Variants in TMCO5A observed in about 807,000 individuals in gnomAD.
TMCO5A encodes transmembrane and coiled-coil domains 5A, also known as transmembrane and coiled-coil domain-containing protein 5A.
Under a neutral mutation model 42.3 loss-of-function variants are expected in TMCO5A, and 34 were observed. The observed-to-expected ratio is 0.80, with a 90% confidence interval of 0.61 to 1.07. The LOEUF (loss-of-function observed/expected upper bound fraction) is 1.07. Ranked by LOEUF, TMCO5A falls within the 50% of genes least tolerant of loss-of-function variation. TMCO5A has a pLI of 0.00. For missense variants in TMCO5A, 357 were observed against 327.9 expected (o/e 1.09, Z -0.69); for synonymous variants, 131 against 115.6 (o/e 1.13, Z -0.86).
chr15:37,963,230 A>C (rs1310197979), intron 11 of TMCO5A, among the ~76,000 whole-genome samples: 1 of 152,046 alleles, frequency 6.6e-6, no homozygotes, highest in African/African-American at 2.4e-5. Context: ...GCTGTATCTC[A>C]GATGTTTTGA....
chr15:37,970,272 C>CT (rs1310953290), downstream of TMCO5A, among the ~76,000 whole-genome samples: 1 of 152,208 alleles, frequency 6.6e-6, no homozygotes, highest in Non-Finnish European at 1.5e-5. Flanking sequence ...AAAGTCATGT[C>CT]TCACATGGTG....
downstream of TMCO5A, among the ~76,000 whole-genome samples, chr15:37,956,115 C>T (rs1890283914): frequency 6.6e-6 from 1 of 152,126 alleles, no homozygotes; most frequent in African/African-American, 2.4e-5. Flanking sequence ...GGGAAATTTA[C>T]AGCACTAAAT....
chr15:37,955,849 A>C (rs1890275013), downstream of TMCO5A, among the ~76,000 whole-genome samples: 1 of 152,168 alleles, frequency 6.6e-6, no homozygotes, highest in Admixed American at 6.6e-5. Flanking sequence ...TTGGAAGTAA[A>C]ACACTCCTCA....
chr15:37,967,233 C>T (rs560263078), exon 12 of TMCO5A: 1 of 152,560 alleles, frequency 6.6e-6, no homozygotes, highest in South Asian at 2.1e-4. Flanking sequence ...CAATTAATTG[C>T]TGAAACATTC....
intron 6 of TMCO5A, among the ~76,000 whole-genome samples, chr15:37,938,826 T>G (rs1306643354): frequency 3.9e-5 from 6 of 152,054 alleles, no homozygotes; most frequent in Non-Finnish European, 7.4e-5. Flanking sequence ...CACATCATAC[T>G]CTGCTTGGCA....
the TMCO5A span, among the ~76,000 whole-genome samples, chr15:38,016,588 G>A: frequency 1.3e-5 from 2 of 152,132 alleles, no homozygotes; most frequent in African/African-American, 2.4e-5. Flanking sequence ...AAGCACCTAC[G>A]GTAACTTCCA....
chr15:37,966,571 A>C (rs2959336), intron 11 of TMCO5A: 515,802 of 702,518 alleles, frequency 0.73, 197,036 homozygotes, highest in Middle Eastern at 0.82. Flanking sequence ...AGGCTACAGC[A>C]AGAAACCTCA....
rs573323135 is a variant in TMCO5A, at chr15:37,943,735, C to T, written c.627+337C>T. 4 of 215,806 alleles carry T rather than the reference C, an allele frequency of 1.9e-5. No individual in the cohort carries two copies. The East Asian group carries it at 4.5e-4, about 24-fold the overall frequency. The allele number at this position is 215,806 out of a possible 1,614,324, so 13.4% of individuals were successfully genotyped here. Reference sequence around the variant, plus strand: ...AGGGCACATACACCACCTCTTCCATCTCCTACAATCACAGTACTCTTTCCT... The same window carrying T: ...AGGGCACATACACCACCTCTTCCATTTCCTACAATCACAGTACTCTTTCCT... On this transcript the variant is annotated intron_variant, in intron 10 of 11. Transcript: ENST00000319669.
the TMCO5A span, chr15:38,025,094 G>T: frequency 6.6e-6 from 1 of 152,132 alleles, no homozygotes; most frequent in Non-Finnish European, 1.5e-5. Context: ...ACCTGGCAAG[G>T]GTGTAAATTT....
In TMCO5A at chr15:37,963,146, T is replaced by G. The variant is rs1423896748; in HGVS notation, c.669-3479T>G. Among the ~76,000 whole-genome samples the G allele has an allele frequency of 5.3e-5, 8 of 152,256 alleles. No individual in the cohort carries two copies. In the South Asian group the frequency reaches 1.7e-3, roughly 32 times the overall value. ...AGTTCCTTGAGGTGTGACCTTCGAA[T>G]GTCAGCTTGTGCTCTTTCAGTCTTT... On this transcript the variant is annotated intron_variant, in intron 11 of 11. Coordinates refer to the TMCO5A transcript ENST00000559502.
chr15:37,964,964 T>TAAGGAAAAAG (rs1263053783), intron 11 of TMCO5A, among the ~76,000 whole-genome samples: 1 of 152,130 alleles, frequency 6.6e-6, no homozygotes. Flanking sequence ...AAAACTATCC[T>TAAGGAAAAAG]AAGGAAAAAG....
the TMCO5A span, among the ~76,000 whole-genome samples, chr15:38,021,389 G>C: frequency 6.6e-6 from 1 of 152,154 alleles, no homozygotes; most frequent in Non-Finnish European, 1.5e-5. Flanking sequence ...ATGTAACTCA[G>C]AAACTCAGCA....
intron 9 of TMCO5A, chr15:37,942,567 AC>A: frequency 4.1e-6 from 1 of 241,232 alleles, no homozygotes; most frequent in Non-Finnish European, 8.1e-6. Context: ...GTGGTCAGTC[AC>A]CTTGATAAGT....
chr15:37,971,359 A>G (rs1422893595), downstream of TMCO5A, among the ~76,000 whole-genome samples: 1 of 152,138 alleles, frequency 6.6e-6, no homozygotes. Flanking sequence ...AAGTCCCCAG[A>G]CTGCACATAG....
the TMCO5A span, among the ~76,000 whole-genome samples, chr15:37,978,661 G>C: frequency 6.6e-6 from 1 of 152,196 alleles, no homozygotes; most frequent in South Asian, 2.1e-4. Context: ...CCAGGGAAAT[G>C]CAGAGCCACC....
chr15:38,036,698 C>G, the TMCO5A span, among the ~76,000 whole-genome samples: 1 of 152,140 alleles, frequency 6.6e-6, no homozygotes, highest in Non-Finnish European at 1.5e-5. Context: ...ATGGATCCGT[C>G]AAGACCCAAC....
chr15:37,946,042 G>A (rs1420232670), intron 10 of TMCO5A, among the ~76,000 whole-genome samples: 1 of 152,034 alleles, frequency 6.6e-6, no homozygotes, highest in African/African-American at 2.4e-5. Flanking sequence ...GTTAATTTTT[G>A]TATATTATGT....
At chr15:38,002,680 G>T in the TMCO5A span, among the ~76,000 whole-genome samples, 1 of 151,800 alleles carries the variant, frequency 6.6e-6, no homozygotes, top group Non-Finnish European at 1.5e-5. Flanking sequence ...TTCAGCTCCA[G>T]AATTTCTGCT....
At chr15:38,004,872 G>A in the TMCO5A span, 1 of 152,124 alleles carries the variant, frequency 6.6e-6, no homozygotes, top group South Asian at 2.1e-4. Context: ...CTTCATGAAG[G>A]TGCTTTTCTT....
Sources: gnomAD v4.1 joint callset for allele counts (sites outside exome capture counted in the v4.1 genomes callset) on GRCh38, gnomAD v4.1.1 for gene constraint, MANE v1.5 for transcripts, NCBI Gene and HGNC (gene_info 2026-07-23, HGNC 2026-07-21) for gene names.